The following ARHGAP24 variants were observed in gnomAD, a reference collection of about 807,000 sequenced individuals.
The protein encoded by ARHGAP24 is Rho GTPase activating protein 24.
Under a neutral mutation model 76.4 loss-of-function variants are expected in ARHGAP24, and 50 were observed. The ratio of observed to expected loss-of-function variants is 0.65; its 90% confidence interval spans 0.52 to 0.83. ARHGAP24 has a LOEUF of 0.83. Among genes scored for constraint, ARHGAP24 ranks in the 40% least tolerant of loss-of-function variants. The pLI, the probability that ARHGAP24 is intolerant of heterozygous loss-of-function variation, is 0.00. For synonymous variants in ARHGAP24, 345 were observed against 323.3 expected (o/e 1.07, Z -0.72); for missense variants, 930 against 914.2 (o/e 1.02, Z -0.22).
chr4:85,919,329 A>G (rs1735589722), intron 3 of ARHGAP24, among the ~76,000 whole-genome samples: 1 of 152,214 alleles, frequency 6.6e-6, no homozygotes, highest in African/African-American at 2.4e-5. Context: ...AGGCAGTGCC[A>G]GGCTCTTAGA....
At chr4:85,744,522 C>G (rs561250891) in intron 3 of ARHGAP24, among the ~76,000 whole-genome samples, 1 of 152,106 alleles carries the variant, frequency 6.6e-6, no homozygotes, top group Non-Finnish European at 1.5e-5. Context: ...GGATCTTTAG[C>G]ATATTGGTTG....
At chr4:85,689,765 C>A (rs1723561113) in intron 2 of ARHGAP24, among the ~76,000 whole-genome samples, 1 of 152,110 alleles carries the variant, frequency 6.6e-6, no homozygotes, top group Admixed American at 6.6e-5. Context: ...AGCCTTTTGT[C>A]AGAGTCTTTA....
intron 3 of ARHGAP24, among the ~76,000 whole-genome samples, chr4:85,827,460 C>CCGTGTGTGTGTG (rs1729772046): frequency 2.0e-5 from 1 of 49,580 alleles, no homozygotes; most frequent in Non-Finnish European, 4.7e-5. Context: ...TGAAGTCTGC[C>CCGTGTGTGTGTG]CGTGTGTGTG....
At chr4:85,778,855 G>A in intron 3 of ARHGAP24, 1 of 985,408 alleles carries the variant, frequency 1.0e-6, no homozygotes, top group South Asian at 4.7e-5. Flanking sequence ...TTCCAGACAA[G>A]CTCTGTACTT....
intron 2 of ARHGAP24, among the ~76,000 whole-genome samples, chr4:85,702,083 ATG>A (rs1205215087): frequency 3.3e-5 from 5 of 152,116 alleles, no homozygotes; most frequent in African/African-American, 9.7e-5. Context: ...CAGCCTATGA[ATG>A]TGTGTCTCTC....
At chr4:85,830,671 T>G (rs909324389) in intron 3 of ARHGAP24, among the ~76,000 whole-genome samples, 10 of 152,214 alleles carry the variant, frequency 6.6e-5, no homozygotes, top group African/African-American at 2.4e-4. Flanking sequence ...CACACAACTT[T>G]TAACTACTAT....
intron 1 of ARHGAP24, among the ~76,000 whole-genome samples, chr4:85,529,911 A>AAT (rs59600252): frequency 4.0e-5 from 6 of 151,464 alleles, no homozygotes; most frequent in African/African-American, 1.5e-4. Context: ...TTTAAAAAAA[A>AAT]CTCTTTTCAT....
At chr4:85,478,630 A>C (rs547362403) in intron 1 of ARHGAP24, among the ~76,000 whole-genome samples, 1 of 152,092 alleles carries the variant, frequency 6.6e-6, no homozygotes, top group African/African-American at 2.4e-5. Context: ...CAATATTTAA[A>C]CTCTTTAGTA....
At chr4:85,722,722 G>T (rs1725000915) in intron 3 of ARHGAP24, among the ~76,000 whole-genome samples, 1 of 152,048 alleles carries the variant, frequency 6.6e-6, no homozygotes, top group Non-Finnish European at 1.5e-5. Context: ...ATCCCTCAAT[G>T]TAAGAAAAAG....
chr4:85,561,756 T>C (rs1052858378), intron 1 of ARHGAP24, among the ~76,000 whole-genome samples: 1 of 152,158 alleles, frequency 6.6e-6, no homozygotes, highest in Admixed American at 6.6e-5. Flanking sequence ...CGTAACTGTG[T>C]ATTTAATGGC....
intron 3 of ARHGAP24, among the ~76,000 whole-genome samples, chr4:85,780,212 C>G (rs1036235449): frequency 6.6e-6 from 1 of 151,458 alleles, no homozygotes; most frequent in Non-Finnish European, 1.5e-5. Context: ...CTTGCTCTGT[C>G]GCCCAGGCTG....
At chr4:85,675,163 C>T (rs896583139) in intron 2 of ARHGAP24, among the ~76,000 whole-genome samples, 1 of 152,086 alleles carries the variant, frequency 6.6e-6, no homozygotes, top group Admixed American at 6.5e-5. Context: ...CTGCATGTAG[C>T]AGAAAGAGGA....
chr4:85,878,917 G>A (rs1219384877), intron 3 of ARHGAP24, among the ~76,000 whole-genome samples: 1 of 152,150 alleles, frequency 6.6e-6, no homozygotes, highest in Non-Finnish European at 1.5e-5. Flanking sequence ...CTTTGTGAAA[G>A]CTTTGAAGGA....
intron 3 of ARHGAP24, among the ~76,000 whole-genome samples, chr4:85,864,775 T>TA (rs1260684819): frequency 6.6e-6 from 1 of 152,076 alleles, no homozygotes; most frequent in Non-Finnish European, 1.5e-5. Context: ...TATATGGAAA[T>TA]ACGGACCAGT....
Position 85,769,123 on chromosome 4 carries a change from A to G in ARHGAP24, c.268+47151A>G, listed in dbSNP as rs143396465. Reference sequence around the variant, plus strand: ...AAAAACGGTGATTAAAAGACATTCAAAAAAGCGATGATTGAATACTTGATA... The same window carrying G: ...AAAAACGGTGATTAAAAGACATTCAGAAAAGCGATGATTGAATACTTGATA... On this transcript the variant is annotated intron_variant, in intron 3 of 9. Transcript: ENST00000395184. Among the ~76,000 whole-genome samples the G allele has an allele frequency of 1.5e-3, 226 of 152,346 alleles. 3 individuals are homozygous for G. The highest frequency in any genetic ancestry group is 5.0e-3 in the African/African-American group (208 of 41,572).
intron 1 of ARHGAP24, among the ~76,000 whole-genome samples, chr4:85,559,469 T>C (rs1726512567): frequency 6.6e-6 from 1 of 152,238 alleles, no homozygotes; most frequent in Non-Finnish European, 1.5e-5. Flanking sequence ...ATTGTTATAG[T>C]CATGTTATAC....
intron 2 of ARHGAP24, among the ~76,000 whole-genome samples, chr4:85,596,844 C>T (rs1482089): frequency 0.51 from 77,711 of 151,744 alleles, 21,644 homozygotes; most frequent in Non-Finnish European, 0.64. Flanking sequence ...TCAAGTTTAC[C>T]ATTACTGTTT....
chr4:85,655,806 G>GAGAGAGAA, intron 2 of ARHGAP24, among the ~76,000 whole-genome samples: 1 of 79,622 alleles, frequency 1.3e-5, no homozygotes, highest in African/African-American at 6.8e-5. Flanking sequence ...GAGAGAGAGA[G>GAGAGAGAA]AGAGAGAGAG....
At chr4:85,477,084 T>G (rs7659121) in intron 1 of ARHGAP24, among the ~76,000 whole-genome samples, 4,327 of 152,252 alleles carry the variant, frequency 0.028, 223 homozygotes, top group African/African-American at 0.098. Flanking sequence ...GGCAGTATAT[T>G]CTTGGTGGAA....
Sources: allele counts gnomAD v4.1 joint callset (sites outside exome capture counted in the v4.1 genomes callset), GRCh38; gene constraint gnomAD v4.1.1; transcripts MANE v1.5; gene names NCBI Gene and HGNC (gene_info 2026-07-23, HGNC 2026-07-21).